Variants in CRISPLD2 observed in about 807,000 individuals in gnomAD.
CRISPLD2 encodes cysteine-rich secretory protein LCCL domain-containing 2.
A neutral mutation model predicts 71.1 loss-of-function variants in CRISPLD2; 47 were observed. That is an observed-to-expected ratio of 0.66 (90% CI 0.52 to 0.84). The LOEUF is 0.84. Among genes scored for constraint, CRISPLD2 ranks in the 40% least tolerant of loss-of-function variants. The pLI is 0.00. For missense variants in CRISPLD2, 830 were observed against 651.1 expected (o/e 1.27, Z -2.99); for synonymous variants, 317 against 250.1 (o/e 1.27, Z -2.52).
chr16:84,897,495 T>G (rs1009584093), intron 14 of CRISPLD2, among the ~76,000 whole-genome samples: 1 of 152,082 alleles, frequency 6.6e-6, no homozygotes, highest in African/African-American at 2.4e-5. Flanking sequence ...TGAAAATAAT[T>G]TTAAGATCTT....
intron 1 of CRISPLD2, among the ~76,000 whole-genome samples, chr16:84,830,092 G>T (rs1247461397): frequency 1.3e-5 from 2 of 152,216 alleles, no homozygotes; most frequent in African/African-American, 4.8e-5. Flanking sequence ...GGAGGCTGAG[G>T]TGGGAGGATC....
chr16:84,854,316 G>A (rs913292122), intron 5 of CRISPLD2, among the ~76,000 whole-genome samples: 9 of 152,162 alleles, frequency 5.9e-5, no homozygotes, highest in Admixed American at 4.6e-4. Flanking sequence ...ACTGGGAAAC[G>A]CAAGCCGTCT....
chr16:84,880,410 C>A, intron 12 of CRISPLD2, 99 bp from the exon 13 acceptor site: 1 of 898,916 alleles, frequency 1.1e-6, no homozygotes, highest in Non-Finnish European at 1.7e-6. Flanking sequence ...TTCCTTTCAT[C>A]TACGAACTTA....
chr16:84,868,727 C>G, intron 7 of CRISPLD2, 124 bp from the exon 8 acceptor site: 2 of 799,076 alleles, frequency 2.5e-6, no homozygotes, highest in Non-Finnish European at 4.2e-6. Context: ...CAGGCATTGC[C>G]CTTGCTCTTA....
At position 84,890,251 on chromosome 16, in the gene CRISPLD2, C is replaced by T. The variant is rs537852149; in HGVS notation, c.1439+888C>T. Among the ~76,000 whole-genome samples the T allele has an allele frequency of 9.9e-5, 15 of 152,064 alleles. No homozygotes were observed. In the South Asian group the frequency reaches 1.7e-3, roughly 17 times the overall value. On this transcript the variant is annotated intron_variant, in intron 14 of 14. Coordinates refer to ENST00000262424, the MANE Select transcript of CRISPLD2 (RefSeq NM_031476.4). ...GCACACGCCTGTAGTCCCAGCTACC[C>T]GGGAGGCTGAGGCAGGAGAATGGCG... is the stretch of plus-strand genomic sequence containing the variant.
At chr16:84,834,493 T>G (rs56823664) in intron 1 of CRISPLD2, among the ~76,000 whole-genome samples, 1 of 152,328 alleles carries the variant, frequency 6.6e-6, no homozygotes, top group East Asian at 1.9e-4. Context: ...GGTTTGTGGC[T>G]TTGGCAGATG....
chr16:84,883,814 T>TC (rs1357603858), intron 13 of CRISPLD2, among the ~76,000 whole-genome samples: 5 of 151,900 alleles, frequency 3.3e-5, no homozygotes, highest in Non-Finnish European at 5.9e-5. Context: ...CTGTGTGCCA[T>TC]CCTGCGTTAA....
intron 1 of CRISPLD2, among the ~76,000 whole-genome samples, chr16:84,832,209 G>C (rs888158777): frequency 6.6e-6 from 1 of 152,240 alleles, no homozygotes; most frequent in African/African-American, 2.4e-5. Context: ...GCAGTGCACT[G>C]ACTGGGGACT....
chr16:84,866,300 C>G (rs1431638242), intron 6 of CRISPLD2, among the ~76,000 whole-genome samples: 1 of 151,254 alleles, frequency 6.6e-6, no homozygotes, highest in Non-Finnish European at 1.5e-5. Context: ...ATGGCACAAT[C>G]TCGGCTCACT....
At chr16:84,896,573 G>A (rs1281594050) in intron 14 of CRISPLD2, among the ~76,000 whole-genome samples, 1 of 152,152 alleles carries the variant, frequency 6.6e-6, no homozygotes, top group Non-Finnish European at 1.5e-5. Flanking sequence ...ATAGGCCTGT[G>A]TTAGGTGATT....
chr16:84,849,494 C>A lies in CRISPLD2; in HGVS notation c.469C>A (p.Pro157Thr), dbSNP rs527475737. 9.9e-6 allele frequency: 16 copies of A among 1,613,996 alleles called. No individual in the cohort carries two copies. In the African/African-American group the frequency reaches 1.2e-4, roughly 12 times the overall value. Residue 157 changes from proline to threonine, a missense_variant, in exon 4 of 15, where the codon CCC becomes ACC. Transcript: ENST00000262424. ...NPWCPERCSG[P>T]MCTHYTQIVW... ...CTGGTGTCCAGAGAGGTGCTCGGGGCCCATGTGCACGCACTACACACAGGT... is the reference window on the plus strand; with the variant it reads ...CTGGTGTCCAGAGAGGTGCTCGGGGACCATGTGCACGCACTACACACAGGT...
At chr16:84,867,495 G>A (rs369550363) in intron 7 of CRISPLD2, among the ~76,000 whole-genome samples, 1 of 152,190 alleles carries the variant, frequency 6.6e-6, no homozygotes, top group Non-Finnish European at 1.5e-5. Context: ...TTGCCCGGAG[G>A]ATGAGCTGCA....
chr16:84,822,614 G>C (rs1422203614), intron 1 of CRISPLD2, among the ~76,000 whole-genome samples: 1 of 152,126 alleles, frequency 6.6e-6, no homozygotes, highest in Non-Finnish European at 1.5e-5. Flanking sequence ...TGCAAACCCA[G>C]GATCACTCAA....
chr16:84,830,539 C>T (rs1376229936), intron 1 of CRISPLD2, among the ~76,000 whole-genome samples: 1 of 151,984 alleles, frequency 6.6e-6, no homozygotes, highest in South Asian at 2.1e-4. Flanking sequence ...CCTGTCTCTA[C>T]TAAAAATACA....
intron 6 of CRISPLD2, among the ~76,000 whole-genome samples, chr16:84,860,538 G>C (rs965868601): frequency 2.0e-5 from 3 of 152,186 alleles, no homozygotes; most frequent in Admixed American, 1.3e-4. Flanking sequence ...TGCCTCAGGC[G>C]CCTCAGGCAG....
intron 8 of CRISPLD2, among the ~76,000 whole-genome samples, chr16:84,869,141 G>A (rs986697726): frequency 3.3e-5 from 5 of 152,242 alleles, no homozygotes; most frequent in African/African-American, 1.2e-4. Context: ...GCTGCTCCCA[G>A]TGGGCCCCAC....
chr16:84,881,669 T>C (rs1051482880), intron 13 of CRISPLD2, among the ~76,000 whole-genome samples: 16 of 152,186 alleles, frequency 1.1e-4, no homozygotes, highest in African/African-American at 3.9e-4. Flanking sequence ...AGAGGCAAGG[T>C]CTCACTATGT....
chr16:84,885,853 C>T (rs2071608447), intron 13 of CRISPLD2, among the ~76,000 whole-genome samples: 1 of 121,722 alleles, frequency 8.2e-6, no homozygotes, highest in Non-Finnish European at 1.6e-5. Context: ...ATCTGGAGCT[C>T]TGTCACACAG....
chr16:84,887,086 T>G (rs1428723361), intron 13 of CRISPLD2, among the ~76,000 whole-genome samples: 1 of 152,146 alleles, frequency 6.6e-6, no homozygotes, highest in African/African-American at 2.4e-5. Flanking sequence ...CTTGCTCTCT[T>G]CTTGAAGGAG....
Sources: allele counts gnomAD v4.1 joint callset (sites outside exome capture counted in the v4.1 genomes callset), GRCh38; gene constraint gnomAD v4.1.1; transcripts MANE v1.5; gene names NCBI Gene and HGNC (gene_info 2026-07-23, HGNC 2026-07-21).